Variants in ASPH observed in about 807,000 individuals in gnomAD.
ASPH encodes the protein aspartate beta-hydroxylase, also known as aspartyl/asparaginyl beta-hydroxylase.
Under a neutral mutation model 118.4 loss-of-function variants are expected in ASPH, and 100 were observed. That is an observed-to-expected ratio of 0.84 (90% confidence interval 0.72 to 1.00). The LOEUF is 1.00. Ranked by LOEUF, ASPH falls within the 50% of genes least tolerant of loss-of-function variation. ASPH has a pLI of 0.00. For missense variants in ASPH, 920 were observed against 919.5 expected (o/e 1.00, Z -0.01); for synonymous variants, 315 against 325.6 (o/e 0.97, Z 0.35).
At chr8:61,645,332 C>A (rs1233992501) in intron 6 of ASPH, among the ~76,000 whole-genome samples, 1 of 152,174 alleles carries the variant, frequency 6.6e-6, no homozygotes, top group Non-Finnish European at 1.5e-5. Context: ...TGACTCCTAA[C>A]TTTAAGAATA....
intron 14 of ASPH, among the ~76,000 whole-genome samples, chr8:61,598,993 G>A (rs978890156): frequency 1.3e-5 from 2 of 152,074 alleles, no homozygotes; most frequent in African/African-American, 4.8e-5. Flanking sequence ...AGATACAGTA[G>A]TGCTAAGAAG....
chr8:61,509,161 G>A (rs961762443), intron 24 of ASPH, among the ~76,000 whole-genome samples: 1 of 152,160 alleles, frequency 6.6e-6, no homozygotes, highest in African/African-American at 2.4e-5. Context: ...AAGTCATAGT[G>A]TTACTGGAAA....
chr8:61,543,396 G>GC (rs1416805999), intron 21 of ASPH, among the ~76,000 whole-genome samples: 6 of 152,082 alleles, frequency 3.9e-5, no homozygotes, highest in Admixed American at 1.3e-4. Flanking sequence ...CTGGTGTTGA[G>GC]CCCCCCTAGT....
At chr8:61,639,843 C>T (rs1199335000) in intron 10 of ASPH, among the ~76,000 whole-genome samples, 2 of 152,164 alleles carry the variant, frequency 1.3e-5, no homozygotes, top group Non-Finnish European at 2.9e-5. Flanking sequence ...TCCAGTCTCT[C>T]CCACGTTAGG....
In ASPH at chr8:61,663,458, T is replaced by A. The variant is rs115216775; in HGVS notation, c.323-9798A>T. On this transcript the variant is annotated intron_variant, in intron 3 of 24. Coordinates refer to ENST00000379454, the MANE Select transcript of ASPH (RefSeq NM_004318.4). ...CCATCTTGGTTATCAAGTGGTAGCA[T>A]CTCCAAATAGAATAACTCAGGCAGA... 469 of 985,324 alleles carry A rather than the reference T, an allele frequency of 4.8e-4. No individual in the cohort carries two copies. The African/African-American group carries it at 6.7e-3, about 14-fold the overall frequency. 61.0% of individuals were successfully genotyped at this position (985,324 alleles called of 1,614,324 possible). A position where few individuals can be genotyped will look rare whatever the true frequency, so the allele number is the denominator to read the frequency against.
Position 61,601,310 on chromosome 8 carries a change from A to G in ASPH, c.977-17281T>C, listed in dbSNP as rs140982608. Among the ~76,000 whole-genome samples, 466 of 151,416 alleles carry G rather than the reference A, an allele frequency of 3.1e-3. 25 individuals carry two copies. Among genetic ancestry groups the G allele is most frequent in the African/African-American group, 0.011 (443 of 40,722 alleles). ...ACACACCTTTGTAAGTGGGAGGCTG[A>G]GGCAGGTGGATCACGAGGTCAGGAG... On this transcript the variant is annotated intron_variant, in intron 14 of 24. Coordinates refer to ENST00000379454, the MANE Select transcript of ASPH (RefSeq NM_004318.4).
At chr8:61,703,958 G>A (rs1323426468) in intron 1 of ASPH, among the ~76,000 whole-genome samples, 1 of 152,008 alleles carries the variant, frequency 6.6e-6, no homozygotes, top group Non-Finnish European at 1.5e-5. Context: ...GACTTTGGGA[G>A]GCCGAGGCGG....
chr8:61,624,952 G>C, intron 13 of ASPH: 11 of 984,920 alleles, frequency 1.1e-5, no homozygotes, highest in Non-Finnish European at 1.3e-5. Context: ...GAGTACCCAT[G>C]CAGGACTCAC....
rs1832798263 is a variant in ASPH, at chr8:61,569,442, CAAAAT to C, written c.1150-2129_1150-2125del. On this transcript the variant is annotated intron_variant, in intron 16 of 24. Transcript: ENST00000379454. Reference sequence around the variant, plus strand: ...GTTAATATATAGATGTATGCAGAATCAAAATAAAGTATCGCTCCATAATTTGAGGG... The same window carrying C: ...GTTAATATATAGATGTATGCAGAATCAAAGTATCGCTCCATAATTTGAGGG... Among the ~76,000 whole-genome samples, 4 of 151,870 alleles carry C rather than the reference CAAAAT, an allele frequency of 2.6e-5. No individual in the cohort carries two copies. In the South Asian group the frequency reaches 8.3e-4, roughly 32 times the overall value.
At position 61,653,808 on chromosome 8, in the gene ASPH, A is replaced by G. The variant is rs528912049; in HGVS notation, c.323-148T>C. 1.3e-4 allele frequency: 103 copies of G among 793,672 alleles called. No homozygotes were observed. In the South Asian group the frequency reaches 1.9e-3, roughly 15 times the overall value. 49.2% of individuals were successfully genotyped at this position (793,672 alleles called of 1,614,324 possible). On this transcript the variant is annotated intron_variant, in intron 3 of 24. Transcript: ENST00000379454. ...TTGTATGCTTAAAAAGTGAGGTAGG[A>G]AAACAGTTTGCTCTTCAACTTCACA... is the stretch of plus-strand genomic sequence containing the variant.
At chr8:61,552,937 C>A (rs1586954603) in intron 20 of ASPH, 94 bp downstream of exon 20, 2 of 1,101,972 alleles carry the variant, frequency 1.8e-6, no homozygotes, top group Non-Finnish European at 2.7e-6. Flanking sequence ...AGTTCACACT[C>A]AAAATATTTT....
rs143841593 is a variant in ASPH, at chr8:61,701,655, C to A, written c.103+12614G>T. 7.8e-4 allele frequency among the ~76,000 whole-genome samples: 119 copies of A among 152,264 alleles called. 1 individual carries two copies. Among genetic ancestry groups the A allele is most frequent in the African/African-American group, 2.8e-3 (115 of 41,532 alleles). ...CTAAACAGATGGACCAGCTAGAAAC[C>A]ACCAAATAATCAAATAAATCTTAAG... On this transcript the variant is annotated intron_variant, in intron 1 of 24. Transcript: ENST00000379454.
intron 1 of ASPH, among the ~76,000 whole-genome samples, chr8:61,691,025 T>C (rs987929919): frequency 2.0e-5 from 3 of 152,174 alleles, no homozygotes; most frequent in Non-Finnish European, 4.4e-5. Context: ...ATAAATGAGG[T>C]GTTACTCTAG....
At chr8:61,535,018 T>C (rs186680259) in intron 21 of ASPH, among the ~76,000 whole-genome samples, 15 of 152,368 alleles carry the variant, frequency 9.8e-5, no homozygotes, top group African/African-American at 3.4e-4. Context: ...ACATGCATCC[T>C]GGGTGTCTCT....
At chr8:61,504,862 C>T (rs1805816263) in intron 24 of ASPH, among the ~76,000 whole-genome samples, 1 of 152,166 alleles carries the variant, frequency 6.6e-6, no homozygotes, top group African/African-American at 2.4e-5. Flanking sequence ...GTTATGTAAA[C>T]TAACAGATAA....
rs181006392 is a variant in ASPH at position 61,540,862 on chromosome 8, G to A, written c.1764+7209C>T. ...AATCCTAGCACTTTAGGAGGCGGAG[G>A]TGGGTGGATCGCTTGAGCTCAGGAG... On this transcript the variant is annotated intron_variant, in intron 21 of 24. Coordinates refer to ENST00000379454, the MANE Select transcript of ASPH (RefSeq NM_004318.4). Among the ~76,000 whole-genome samples the A allele has an allele frequency of 9.0e-4, 137 of 152,276 alleles. 1 individual carries two copies. The highest frequency in any genetic ancestry group is 3.1e-3 in the African/African-American group (129 of 41,550).
chr8:61,634,172 T>G (rs543311251), intron 12 of ASPH, among the ~76,000 whole-genome samples: 6 of 152,336 alleles, frequency 3.9e-5, no homozygotes, highest in Admixed American at 3.9e-4. Flanking sequence ...GTCAAAGATA[T>G]GGATGTGAAT....
chr8:61,583,729 G>A (rs1017119754), intron 15 of ASPH, among the ~76,000 whole-genome samples: 1 of 152,104 alleles, frequency 6.6e-6, no homozygotes, highest in African/African-American at 2.4e-5. Flanking sequence ...GCATCGGCTG[G>A]CCTGAAGGAA....
chr8:61,668,009 G>T (rs1357646574), intron 3 of ASPH, among the ~76,000 whole-genome samples: 1 of 152,026 alleles, frequency 6.6e-6, no homozygotes, highest in Non-Finnish European at 1.5e-5. Context: ...CTATTACAAA[G>T]CTTTGATAAC....
Sources: gnomAD v4.1 joint callset for allele counts (sites outside exome capture counted in the v4.1 genomes callset) on GRCh38, gnomAD v4.1.1 for gene constraint, MANE v1.5 for transcripts, NCBI Gene and HGNC (gene_info 2026-07-23, HGNC 2026-07-21) for gene names.